Variants in SSX2IP observed in about 807,000 individuals in gnomAD.
SSX2IP encodes the protein afadin- and alpha-actinin-binding protein.
In SSX2IP, 55 loss-of-function variants were observed where a neutral mutation model predicts 84.9. The observed-to-expected ratio is 0.65, with a 90% CI of 0.52 to 0.81. The LOEUF (loss-of-function observed/expected upper bound fraction) is 0.81, where lower values mean the gene tolerates loss of function less well. Ranked by LOEUF, SSX2IP falls within the 30% of genes least tolerant of loss-of-function variation. SSX2IP has a pLI of 0.00. For synonymous variants in SSX2IP, 239 were observed against 234.7 expected, an observed-to-expected ratio of 1.02 and a Z score of -0.17; for missense variants, 664 against 705.2, an observed-to-expected ratio of 0.94 and a Z score of 0.66.
rs1190695280 is a variant in SSX2IP at position 84,646,145 on chromosome 1, C to T, written c.*1288G>A. 6.6e-6 allele frequency: 1 copy of T among 152,528 alleles called. No homozygotes were observed. Among genetic ancestry groups the T allele is most frequent in the East Asian group, 1.9e-4 (1 of 5,196 alleles). The allele number at this position is 152,528 out of a possible 1,614,324, so 9.4% of individuals were successfully genotyped here. A position where few individuals can be genotyped will look rare whatever the true frequency, so the allele number is the denominator to read the frequency against. On this transcript the variant is annotated 3_prime_UTR_variant, in exon 14 of 14. Coordinates refer to ENST00000342203, the MANE Select transcript of SSX2IP (RefSeq NM_001166293.2). ...GGTAAATGGGCCTAAACTATGATAC[C>T]TAGCAAGGGTTGGATCTGTGCAGGC...
chr1:84,669,626 T>C, intron 4 of SSX2IP, 55 bp downstream of exon 4: 1 of 1,388,724 alleles, frequency 7.2e-7, no homozygotes, highest in Non-Finnish European at 1.0e-6. Context: ...CAGTAAAAAT[T>C]TATAGTACTC....
chr1:84,682,653 T>A (rs1444559540), intron 1 of SSX2IP, among the ~76,000 whole-genome samples: 1 of 151,876 alleles, frequency 6.6e-6, no homozygotes, highest in African/African-American at 2.4e-5. Context: ...TACAGGCGCA[T>A]GCCACCGCAC....
chr1:84,665,643 G>GT (rs1178689892), intron 5 of SSX2IP, among the ~76,000 whole-genome samples: 4 of 152,266 alleles, frequency 2.6e-5, no homozygotes, highest in African/African-American at 9.6e-5. Context: ...AATCAGAATT[G>GT]TATCTTTTGT....
intron 10 of SSX2IP, 51 bp downstream of exon 10, chr1:84,656,297 A>AC: frequency 6.3e-7 from 1 of 1,577,592 alleles, no homozygotes. Flanking sequence ...AAGGTTCAGC[A>AC]CAATTCTGGC....
rs557556106 is a variant in SSX2IP at position 84,644,859 on chromosome 1, G to A, written c.*2574C>T. On this transcript the variant is annotated 3_prime_UTR_variant, in exon 14 of 14. Transcript: ENST00000342203. Reference sequence around the variant, plus strand: ...GCCATGTAAGTAAACAATTTGCTGTGAACTGTCCTGTGTATCTAATCATTT... The same window carrying A: ...GCCATGTAAGTAAACAATTTGCTGTAAACTGTCCTGTGTATCTAATCATTT... 2 of 152,324 alleles carry A rather than the reference G, an allele frequency of 1.3e-5. No homozygotes were observed. Among genetic ancestry groups the A allele is most frequent in the East Asian group, 3.9e-4 (2 of 5,194 alleles). The allele number at this position is 152,324 out of a possible 1,614,324, so 9.4% of individuals were successfully genotyped here.
At chr1:84,680,202 G>C (rs1654887593) in intron 1 of SSX2IP, 1 of 152,184 alleles carries the variant, frequency 6.6e-6, no homozygotes, top group Non-Finnish European at 1.5e-5. Context: ...TTAGAAAGCA[G>C]GGAGCTACAT....
intron 11 of SSX2IP, chr1:84,652,221 C>T (rs563743687): frequency 8.3e-5 from 36 of 433,956 alleles, no homozygotes; most frequent in African/African-American, 6.7e-4. Flanking sequence ...TGAGGAGTTC[C>T]AAACCAGCCT....
chr1:84,689,332 G>C (rs1470143244), intron 1 of SSX2IP, among the ~76,000 whole-genome samples: 1 of 152,120 alleles, frequency 6.6e-6, no homozygotes, highest in African/African-American at 2.4e-5. Context: ...CTACCCCACA[G>C]TAAGCCAAAC....
chr1:84,644,842 A>G lies in SSX2IP; in HGVS notation c.*2591T>C, dbSNP rs900820296. ...AACAGTATTTCAATTATGCCATGTA[A>G]GTAAACAATTTGCTGTGAACTGTCC... On this transcript the variant is annotated 3_prime_UTR_variant, in exon 14 of 14. Transcript: ENST00000342203. The G allele has an allele frequency of 4.6e-5, 7 of 152,260 alleles. No individual in the cohort carries two copies. The highest frequency in any genetic ancestry group is 1.7e-4 in the African/African-American group (7 of 41,476). 9.4% of individuals were successfully genotyped at this position (152,260 alleles called of 1,614,324 possible).
intron 12 of SSX2IP, 21 bp from the exon 13 acceptor site, chr1:84,650,548 GA>G (rs1557463527): frequency 2.5e-6 from 4 of 1,613,254 alleles, no homozygotes; most frequent in Non-Finnish European, 3.4e-6. Flanking sequence ...ACAAGTAAGA[GA>G]AAAAGGCAGT....
intron 1 of SSX2IP, among the ~76,000 whole-genome samples, chr1:84,674,748 A>G (rs1279837572): frequency 6.6e-6 from 1 of 152,112 alleles, no homozygotes; most frequent in African/African-American, 2.4e-5. Context: ...GAAAACCAAA[A>G]CCCCATTTTG....
chr1:84,674,941 C>A (rs1051502543), intron 1 of SSX2IP, among the ~76,000 whole-genome samples: 1 of 152,144 alleles, frequency 6.6e-6, no homozygotes, highest in Admixed American at 6.5e-5. Context: ...AATACATACC[C>A]TAAACTAAGC....
intron 1 of SSX2IP, chr1:84,690,092 G>C (rs1656390501): frequency 6.6e-6 from 1 of 152,144 alleles, no homozygotes; most frequent in South Asian, 2.1e-4. Context: ...CCCCGGGTCA[G>C]AGCGCTCCGC....
chr1:84,669,932 TGAG>T, intron 3 of SSX2IP, 39 bp from the exon 4 acceptor site: 1 of 1,496,298 alleles, frequency 6.7e-7, no homozygotes, highest in Non-Finnish European at 9.2e-7. Flanking sequence ...TGGTTACAGT[TGAG>T]GAGATACTGG....
chr1:84,664,327 G>GT (rs1189842256), intron 6 of SSX2IP, 90 bp downstream of exon 6: 3 of 1,207,406 alleles, frequency 2.5e-6, no homozygotes, highest in Non-Finnish European at 3.3e-6. Flanking sequence ...ATAACATTTC[G>GT]TGAGTTACTG....
At chr1:84,657,440 TC>T (rs1221181240) in intron 9 of SSX2IP, among the ~76,000 whole-genome samples, 2 of 152,332 alleles carry the variant, frequency 1.3e-5, no homozygotes, top group African/African-American at 4.8e-5. Flanking sequence ...GCATTAAACA[TC>T]TATTATTTTA....
intron 3 of SSX2IP, chr1:84,670,096 G>T (rs1343309944): frequency 2.1e-6 from 1 of 469,608 alleles, no homozygotes; most frequent in Non-Finnish European, 3.8e-6. Flanking sequence ...AAGTATGGGA[G>T]GTATGCACAC....
At chr1:84,669,948 AGAG>A in intron 3 of SSX2IP, 55 bp from the exon 4 acceptor site, 1 of 1,313,396 alleles carries the variant, frequency 7.6e-7, no homozygotes, top group Non-Finnish European at 1.1e-6. Context: ...GATACTGGTC[AGAG>A]GATACAAACT....
In SSX2IP at chr1:84,643,792, A is replaced by T. The variant is rs956471959; in HGVS notation, c.*3641T>A. 3 of 150,690 alleles carry T rather than the reference A, an allele frequency of 2.0e-5. No individual in the cohort carries two copies. The highest frequency in any genetic ancestry group is 4.5e-5 in the Non-Finnish European group (3 of 67,362). The allele number at this position is 150,690 out of a possible 1,614,324, so 9.3% of individuals were successfully genotyped here. On this transcript the variant is annotated 3_prime_UTR_variant, in exon 14 of 14. Transcript: ENST00000342203. ...AGGTACATGTATTTCTGAAGCTCAA[A>T]TATATGAATGAGGTGGATCTTTATC...
Sources: gnomAD v4.1 joint callset for allele counts (sites outside exome capture counted in the v4.1 genomes callset) on GRCh38, gnomAD v4.1.1 for gene constraint, MANE v1.5 for transcripts, NCBI Gene and HGNC (gene_info 2026-07-23, HGNC 2026-07-21) for gene names.